Variants in DLC1 observed in about 807,000 individuals in gnomAD.
DLC1 encodes the protein DLC1 Rho GTPase activating protein, also known as rho GTPase-activating protein 7.
Under a neutral mutation model 140.3 loss-of-function variants are expected in DLC1, and 54 were observed. The ratio of observed to expected loss-of-function variants is 0.38; its 90% CI spans 0.31 to 0.48. DLC1 has a LOEUF of 0.48. Ranked by LOEUF, DLC1 falls within the 20% of genes least tolerant of loss-of-function variation. The pLI, the probability that DLC1 is intolerant of heterozygous loss-of-function variation, is 0.96. For synonymous variants in DLC1, 986 were observed against 728.1 expected (o/e 1.35, Z -5.70); for missense variants, 2,536 against 1,907.0 (o/e 1.33, Z -6.14).
At chr8:13,207,492 G>T (rs759429183) in intron 5 of DLC1, among the ~76,000 whole-genome samples, 2 of 152,032 alleles carry the variant, frequency 1.3e-5, no homozygotes, top group African/African-American at 2.4e-5. Context: ...GCAACTTCAA[G>T]CATATTCTGT....
intron 5 of DLC1, among the ~76,000 whole-genome samples, chr8:13,208,582 T>C (rs1030987770): frequency 6.6e-6 from 1 of 152,180 alleles, no homozygotes; most frequent in Non-Finnish European, 1.5e-5. Flanking sequence ...TTATGTGATA[T>C]TTTATCGAAC....
intron 5 of DLC1, among the ~76,000 whole-genome samples, chr8:13,294,888 C>A (rs1053181178): frequency 2.0e-5 from 3 of 152,116 alleles, no homozygotes; most frequent in African/African-American, 4.8e-5. Context: ...ATAGCACCTA[C>A]CTCATAGGGT....
intron 4 of DLC1, among the ~76,000 whole-genome samples, chr8:13,339,154 C>CT (rs1396607213): frequency 6.6e-6 from 1 of 152,182 alleles, no homozygotes; most frequent in East Asian, 1.9e-4. Context: ...AACCAAACTA[C>CT]TTTTGTCATC....
At chr8:13,567,060 G>T (rs1804462816) in intron 1 of DLC1, 2 of 1,551,730 alleles carry the variant, frequency 1.3e-6, no homozygotes, top group Middle Eastern at 1.7e-4. Flanking sequence ...ATGAGACTGA[G>T]ACTTTGAAGA....
At position 13,268,460 on chromosome 8, in the gene DLC1, G is replaced by A. The variant is rs1264085432; in HGVS notation, c.1348+36809C>T. On this transcript the variant is annotated intron_variant, in intron 5 of 17. Transcript: ENST00000276297. The stretch of plus-strand genomic sequence containing the variant: ...CTCCCGAGTAGCTGGGACTACAGGC[G>A]CGCAGCCTCAAACACCTGGGCTCAA... Among the ~76,000 whole-genome samples the A allele has an allele frequency of 4.6e-5, 7 of 151,926 alleles. No individual in the cohort carries two copies. In the East Asian group the frequency reaches 5.9e-4, roughly 13 times the overall value.
intron 5 of DLC1, among the ~76,000 whole-genome samples, chr8:13,168,165 C>T (rs1585824690): frequency 2.0e-5 from 3 of 152,268 alleles, no homozygotes; most frequent in Admixed American, 2.0e-4. Flanking sequence ...ACTTCTAAGA[C>T]ATAAAACGTC....
chr8:13,380,578 T>C lies in DLC1; in HGVS notation c.1314+12975A>G, dbSNP rs9693301. Reference sequence around the variant, plus strand: ...CCCATTTAAATATAGTATTAATGAATGACAAAAAATACCACTATAACCTTG... The same window carrying C: ...CCCATTTAAATATAGTATTAATGAACGACAAAAAATACCACTATAACCTTG... On this transcript the variant is annotated intron_variant, in intron 4 of 17. Coordinates refer to ENST00000276297, the MANE Select transcript of DLC1 (RefSeq NM_182643.3). Among the ~76,000 whole-genome samples the C allele has an allele frequency of 9.9e-3, 1,512 of 152,304 alleles. 27 individuals are homozygous for C. The highest frequency in any genetic ancestry group is 0.033 in the African/African-American group (1,384 of 41,554).
intron 5 of DLC1, among the ~76,000 whole-genome samples, chr8:13,179,795 A>G (rs1361456561): frequency 6.6e-6 from 1 of 152,046 alleles, no homozygotes; most frequent in African/African-American, 2.4e-5. Flanking sequence ...CTTAACCAAT[A>G]AAGAAATAGA....
intron 2 of DLC1, among the ~76,000 whole-genome samples, chr8:13,425,233 G>A (rs1330959943): frequency 6.6e-6 from 1 of 152,124 alleles, no homozygotes; most frequent in Non-Finnish European, 1.5e-5. Flanking sequence ...CACAGGATGG[G>A]AAGAAAAATC....
chr8:13,138,409 G>C (rs1822723261), intron 5 of DLC1, among the ~76,000 whole-genome samples: 1 of 152,110 alleles, frequency 6.6e-6, no homozygotes, highest in Non-Finnish European at 1.5e-5. Flanking sequence ...TTTTAACTTT[G>C]GGCTTTACTT....
chr8:13,157,008 G>T (rs1407437244), intron 5 of DLC1, among the ~76,000 whole-genome samples: 1 of 152,164 alleles, frequency 6.6e-6, no homozygotes. Context: ...GACAGGAAGT[G>T]TAAACAATTG....
intron 2 of DLC1, among the ~76,000 whole-genome samples, chr8:13,443,386 A>G (rs547900163): frequency 2.6e-4 from 39 of 150,010 alleles, no homozygotes; most frequent in African/African-American, 9.1e-4. Context: ...GAGGCCAGGC[A>G]TGGTGGCTCA....
intron 5 of DLC1, among the ~76,000 whole-genome samples, chr8:13,266,542 C>T (rs562944303): frequency 7.8e-4 from 118 of 151,974 alleles, no homozygotes; most frequent in Non-Finnish European, 1.4e-3. Flanking sequence ...GTCAGGAGTT[C>T]GAGACCAGCC....
At chr8:13,429,038 T>C (rs754348102) in intron 2 of DLC1, among the ~76,000 whole-genome samples, 5 of 152,152 alleles carry the variant, frequency 3.3e-5, no homozygotes, top group Admixed American at 3.3e-4. Flanking sequence ...TTGACCTTAG[T>C]TATTAGATAA....
At chr8:13,466,371 T>G (rs1427586241) in intron 2 of DLC1, among the ~76,000 whole-genome samples, 1 of 152,198 alleles carries the variant, frequency 6.6e-6, no homozygotes, top group Admixed American at 6.5e-5. Flanking sequence ...TTCATGTGTT[T>G]TGTTGAGTTG....
intron 4 of DLC1, among the ~76,000 whole-genome samples, chr8:13,347,504 C>T (rs965121813): frequency 1.3e-5 from 2 of 152,290 alleles, no homozygotes; most frequent in South Asian, 4.1e-4. Context: ...TTAACCTCTC[C>T]TCTGCCACAT....
intron 13 of DLC1, among the ~76,000 whole-genome samples, 154 bp from the exon 14 acceptor site, chr8:13,091,586 C>T (rs182274359): frequency 2.2e-4 from 34 of 152,204 alleles, no homozygotes; most frequent in Non-Finnish European, 8.8e-5. Flanking sequence ...ACTTTGGTCA[C>T]CAGAGTATCT....
chr8:13,350,956 C>T (rs1032189921), intron 4 of DLC1, among the ~76,000 whole-genome samples: 2 of 152,114 alleles, frequency 1.3e-5, no homozygotes, highest in East Asian at 3.9e-4. Context: ...ACTCAAATCT[C>T]TGATGAAATT....
At chr8:13,239,464 T>G (rs1829449580) in intron 5 of DLC1, among the ~76,000 whole-genome samples, 1 of 152,158 alleles carries the variant, frequency 6.6e-6, no homozygotes, top group East Asian at 1.9e-4. Context: ...CATTCCATCC[T>G]TTAGACTGAT....
Sources: gnomAD v4.1 joint callset for allele counts (sites outside exome capture counted in the v4.1 genomes callset) on GRCh38, gnomAD v4.1.1 for gene constraint, MANE v1.5 for transcripts, NCBI Gene and HGNC (gene_info 2026-07-23, HGNC 2026-07-21) for gene names.